The following GLRB variants were observed in gnomAD, a reference collection of about 807,000 sequenced individuals.
GLRB encodes the protein glycine receptor beta, also known as glycine receptor subunit beta.
In GLRB, 33 loss-of-function variants were observed where a neutral mutation model predicts 54.2. The ratio of observed to expected loss-of-function variants is 0.61; its 90% confidence interval spans 0.46 to 0.81. GLRB has a LOEUF of 0.81. GLRB is among the 40% of genes least tolerant of loss of function. GLRB has a pLI of 0.00. For missense variants in GLRB, 572 were observed against 584.6 expected (o/e 0.98, Z 0.22); for synonymous variants, 209 against 208.2 (o/e 1.00, Z -0.03).
intron 8 of GLRB, 147 bp from the exon 9 acceptor site, chr4:157,152,571 A>G (rs1737061483): frequency 1.3e-6 from 1 of 758,026 alleles, no homozygotes; most frequent in African/African-American, 1.7e-5. Flanking sequence ...CCTATTATTT[A>G]TTCTAGTCTT....
intron 4 of GLRB, among the ~76,000 whole-genome samples, chr4:157,132,729 A>G (rs887890440): frequency 1.3e-5 from 2 of 151,946 alleles, no homozygotes; most frequent in African/African-American, 4.8e-5. Flanking sequence ...AGTCTTTATT[A>G]ATGAATAACT....
chr4:157,121,673 T>G (rs935349337), intron 3 of GLRB, among the ~76,000 whole-genome samples: 15 of 151,584 alleles, frequency 9.9e-5, no homozygotes, highest in African/African-American at 3.4e-4. Context: ...GCTAAAAGGC[T>G]AAATTCACAT....
At chr4:157,124,122 G>T (rs780562421) in intron 4 of GLRB, among the ~76,000 whole-genome samples, 4 of 151,682 alleles carry the variant, frequency 2.6e-5, no homozygotes, top group Non-Finnish European at 5.9e-5. Flanking sequence ...GAGTTTTGAT[G>T]ATTATGATAA....
intron 4 of GLRB, among the ~76,000 whole-genome samples, chr4:157,134,347 A>G (rs1030581248): frequency 6.6e-6 from 1 of 151,960 alleles, no homozygotes; most frequent in Non-Finnish European, 1.5e-5. Flanking sequence ...GCTTGAGCCC[A>G]GGCTTTCGAG....
intron 2 of GLRB, among the ~76,000 whole-genome samples, chr4:157,108,768 G>A (rs1270356043): frequency 6.6e-6 from 1 of 152,056 alleles, no homozygotes; most frequent in Non-Finnish European, 1.5e-5. Flanking sequence ...TTTGAAAGAT[G>A]TTCTGTAGAT....
chr4:157,162,149 A>C (rs1332277930), intron 9 of GLRB, among the ~76,000 whole-genome samples: 1 of 152,238 alleles, frequency 6.6e-6, no homozygotes, highest in East Asian at 1.9e-4. Flanking sequence ...TGAATGCATC[A>C]CGTAGTTCTC....
intron 1 of GLRB, among the ~76,000 whole-genome samples, chr4:157,077,144 T>C (rs1734068781): frequency 6.6e-6 from 1 of 152,172 alleles, no homozygotes; most frequent in South Asian, 2.1e-4. Context: ...AGTTTGAACT[T>C]CTCTAGTGTA....
At chr4:157,166,508 C>T (rs1029044451) in intron 9 of GLRB, among the ~76,000 whole-genome samples, 11 of 152,056 alleles carry the variant, frequency 7.2e-5, no homozygotes, top group African/African-American at 2.4e-4. Flanking sequence ...TAGCCAACTA[C>T]TTAATGAACC....
rs1042650876 is a variant in GLRB, at chr4:157,171,917, A to G, written c.*1189A>G. The G allele has an allele frequency of 6.6e-6, 1 of 151,848 alleles. No homozygotes were observed. Among genetic ancestry groups the G allele is most frequent in the African/African-American group, 2.4e-5 (1 of 41,434 alleles). 9.4% of individuals were successfully genotyped at this position (151,848 alleles called of 1,614,324 possible). On this transcript the variant is annotated 3_prime_UTR_variant, in exon 10 of 10. Coordinates refer to ENST00000264428, the MANE Select transcript of GLRB (RefSeq NM_000824.5). Reference sequence around the variant, plus strand: ...TCATTTTATGAGACCACCATTTCTTAATATCACATCCAGTGCACCTTTGTC... The same window carrying G: ...TCATTTTATGAGACCACCATTTCTTGATATCACATCCAGTGCACCTTTGTC...
At chr4:157,157,056 A>G (rs566681941) in intron 9 of GLRB, among the ~76,000 whole-genome samples, 11 of 152,240 alleles carry the variant, frequency 7.2e-5, no homozygotes, top group Middle Eastern at 3.4e-3. Context: ...ATTGGGGGTC[A>G]CCAGTTCCCC....
At chr4:157,138,548 T>C (rs983243608) in intron 6 of GLRB, among the ~76,000 whole-genome samples, 4 of 152,188 alleles carry the variant, frequency 2.6e-5, no homozygotes, top group Non-Finnish European at 4.4e-5. Flanking sequence ...AGTTATTGTA[T>C]ATGATGCCCT....
chr4:157,144,783 T>C (rs959166530), intron 8 of GLRB, among the ~76,000 whole-genome samples: 5 of 152,184 alleles, frequency 3.3e-5, no homozygotes, highest in African/African-American at 1.2e-4. Flanking sequence ...CGAAAAGGCC[T>C]TGTGCAAATC....
intron 4 of GLRB, among the ~76,000 whole-genome samples, chr4:157,130,892 A>T (rs1272691525): frequency 6.6e-6 from 1 of 151,746 alleles, no homozygotes; most frequent in East Asian, 1.9e-4. Flanking sequence ...TGCACTAATA[A>T]GGGAACCAAC....
intron 9 of GLRB, among the ~76,000 whole-genome samples, chr4:157,168,308 T>C (rs1166915879): frequency 1.3e-5 from 2 of 152,286 alleles, no homozygotes; most frequent in Non-Finnish European, 1.5e-5. Context: ...AAGCCACTTT[T>C]TTCACATTGG....
At chr4:157,167,971 C>T (rs2126633966) in intron 9 of GLRB, among the ~76,000 whole-genome samples, 1 of 152,220 alleles carries the variant, frequency 6.6e-6, no homozygotes, top group South Asian at 2.1e-4. Context: ...ATTCATTACC[C>T]CAGGGAGGAC....
intron 2 of GLRB, among the ~76,000 whole-genome samples, chr4:157,099,736 T>G (rs1195462140): frequency 6.6e-6 from 1 of 152,206 alleles, no homozygotes; most frequent in Non-Finnish European, 1.5e-5. Context: ...AGGATATATG[T>G]TTGTTGAACT....
At chr4:157,115,327 G>A (rs1220772349) in intron 2 of GLRB, among the ~76,000 whole-genome samples, 1 of 110,518 alleles carries the variant, frequency 9.0e-6, no homozygotes, top group African/African-American at 3.6e-5. Flanking sequence ...AAAAAAAATT[G>A]TCTTCTCATT....
At chr4:157,136,774 A>T (rs369718728) in intron 5 of GLRB, 30 bp from the exon 6 acceptor site, 5 of 1,535,402 alleles carry the variant, frequency 3.3e-6, no homozygotes, top group Non-Finnish European at 3.6e-6. Context: ...AGTATATTAA[A>T]TTATTTCTAA....
At chr4:157,116,946 C>T (rs1213698435) in intron 2 of GLRB, among the ~76,000 whole-genome samples, 2 of 151,274 alleles carry the variant, frequency 1.3e-5, no homozygotes, top group Non-Finnish European at 3.0e-5. Context: ...TGGTATATTC[C>T]CTGGGTTGTT....
Sources: gnomAD v4.1 joint callset for allele counts (sites outside exome capture counted in the v4.1 genomes callset) on GRCh38, gnomAD v4.1.1 for gene constraint, MANE v1.5 for transcripts, NCBI Gene and HGNC (gene_info 2026-07-23, HGNC 2026-07-21) for gene names.